Variants in ROBO2 observed in about 807,000 individuals in gnomAD.
ROBO2 encodes roundabout homolog 2.
Under a neutral mutation model 160.8 loss-of-function variants are expected in ROBO2, and 53 were observed. The observed-to-expected ratio is 0.33, with a 90% confidence interval of 0.26 to 0.41. The LOEUF is 0.41. Ranked by LOEUF, ROBO2 falls within the 10% of genes least tolerant of loss-of-function variation. The pLI, the probability that ROBO2 is intolerant of heterozygous loss-of-function variation, is 1.00. For missense variants in ROBO2, 1,577 were observed against 1,722.4 expected (o/e 0.92, Z 1.49); for synonymous variants, 664 against 611.7 (o/e 1.09, Z -1.26).
At chr3:76,948,908 A>ATTTTTTTTTT (rs1157110855) in intron 2 of ROBO2, among the ~76,000 whole-genome samples, 2 of 24,966 alleles carry the variant, frequency 8.0e-5, no homozygotes, top group Admixed American at 7.0e-4. Flanking sequence ...ATATATATAT[A>ATTTTTTTTTT]TTTTTTTTTT....
intron 2 of ROBO2, among the ~76,000 whole-genome samples, chr3:77,133,397 G>T (rs2076017068): frequency 1.3e-5 from 2 of 152,232 alleles, no homozygotes; most frequent in East Asian, 3.9e-4. Context: ...AAATCACTGT[G>T]CTAACAATAA....
chr3:76,979,799 A>G (rs2149321354), intron 2 of ROBO2, among the ~76,000 whole-genome samples: 1 of 152,050 alleles, frequency 6.6e-6, no homozygotes, highest in African/African-American at 2.4e-5. Flanking sequence ...TTCCCTATGC[A>G]TTTTGTATTC....
intron 2 of ROBO2, among the ~76,000 whole-genome samples, chr3:76,937,867 G>A (rs1182756275): frequency 6.6e-6 from 1 of 152,116 alleles, no homozygotes; most frequent in African/African-American, 2.4e-5. Flanking sequence ...CAGTGTTACC[G>A]TACCCTCTAC....
intron 2 of ROBO2, among the ~76,000 whole-genome samples, chr3:76,863,341 G>C (rs994719955): frequency 2.0e-5 from 3 of 151,056 alleles, no homozygotes; most frequent in African/African-American, 7.3e-5. Context: ...TTGGTTGTTG[G>C]TTTTTTAAAA....
At chr3:76,931,882 T>C (rs1267930451) in intron 2 of ROBO2, among the ~76,000 whole-genome samples, 1 of 152,118 alleles carries the variant, frequency 6.6e-6, no homozygotes, top group Non-Finnish European at 1.5e-5. Context: ...GGTTTCATCA[T>C]GTTGGGCAGG....
intron 2 of ROBO2, among the ~76,000 whole-genome samples, chr3:77,425,418 G>C (rs1482956352): frequency 6.6e-6 from 1 of 152,092 alleles, no homozygotes; most frequent in Admixed American, 6.6e-5. Context: ...TTTGGAGGTG[G>C]CCAAAGATGT....
At chr3:77,378,794 A>C (rs978015496) in intron 2 of ROBO2, among the ~76,000 whole-genome samples, 1 of 152,140 alleles carries the variant, frequency 6.6e-6, no homozygotes, top group Non-Finnish European at 1.5e-5. Context: ...TTAACTATGC[A>C]ATTACTTCTG....
At chr3:76,897,988 T>C (rs1312194422) in intron 2 of ROBO2, among the ~76,000 whole-genome samples, 1 of 152,128 alleles carries the variant, frequency 6.6e-6, no homozygotes, top group African/African-American at 2.4e-5. Context: ...TTTTCTAAAG[T>C]ATATTTTCAT....
At chr3:76,610,558 C>T (rs925710335) in intron 2 of ROBO2, among the ~76,000 whole-genome samples, 77 of 152,296 alleles carry the variant, frequency 5.1e-4, no homozygotes, top group African/African-American at 1.2e-3. Context: ...GTCTAAGCCC[C>T]CAAGAGATGT....
chr3:76,286,709 T>C (rs1489539205), intron 2 of ROBO2, among the ~76,000 whole-genome samples: 1 of 152,152 alleles, frequency 6.6e-6, no homozygotes. Flanking sequence ...AAAGGTGCTG[T>C]AAAAATATAA....
chr3:77,092,535 AAG>A (rs1002911010), intron 1 of ROBO2, among the ~76,000 whole-genome samples: 57 of 148,116 alleles, frequency 3.8e-4, no homozygotes, highest in African/African-American at 1.2e-3. Context: ...TTTATTATAA[AAG>A]AGAGAAAGAA....
At chr3:77,471,974 C>G (rs757231338) in intron 2 of ROBO2, among the ~76,000 whole-genome samples, 10 of 152,084 alleles carry the variant, frequency 6.6e-5, no homozygotes, top group Non-Finnish European at 1.2e-4. Flanking sequence ...AATTGAATAC[C>G]TTCTGGAGGA....
chr3:76,109,326 C>A (rs1025441564), intron 2 of ROBO2, among the ~76,000 whole-genome samples: 1 of 151,710 alleles, frequency 6.6e-6, no homozygotes, highest in African/African-American at 2.4e-5. Context: ...GCCATAATAC[C>A]TTTTAAAAAA....
chr3:76,992,481 G>A (rs927532777), intron 2 of ROBO2, among the ~76,000 whole-genome samples: 1 of 151,350 alleles, frequency 6.6e-6, no homozygotes, highest in Non-Finnish European at 1.5e-5. Context: ...AAGACTTAAT[G>A]CCACCCTGGT....
At chr3:76,090,655 A>C (rs2069193292) in intron 2 of ROBO2, among the ~76,000 whole-genome samples, 1 of 152,180 alleles carries the variant, frequency 6.6e-6, no homozygotes, top group African/African-American at 2.4e-5. Flanking sequence ...TTGAAGAAGA[A>C]TAAAATTGGA....
At chr3:76,803,090 G>T (rs2608132) in intron 2 of ROBO2, among the ~76,000 whole-genome samples, 128,607 of 152,138 alleles carry the variant, frequency 0.85, 54,482 homozygotes, top group African/African-American at 0.87. Context: ...GAAAACAATT[G>T]TGATAAGACC....
chr3:75,987,529 TG>T (rs1374728608), intron 2 of ROBO2, among the ~76,000 whole-genome samples: 1 of 151,928 alleles, frequency 6.6e-6, no homozygotes, highest in African/African-American at 2.4e-5. Flanking sequence ...CTTTCCAGTT[TG>T]GATGCCTCTT....
chr3:76,119,982 T>C (rs962484808), intron 2 of ROBO2, among the ~76,000 whole-genome samples: 88 of 134,254 alleles, frequency 6.6e-4, no homozygotes, highest in African/African-American at 2.4e-3. Flanking sequence ...TCCTCTCTCT[T>C]TCTTTCATTC....
chr3:76,905,070 T>A (rs2075502402), intron 2 of ROBO2, among the ~76,000 whole-genome samples: 1 of 152,224 alleles, frequency 6.6e-6, no homozygotes, highest in Admixed American at 6.5e-5. Context: ...ACTGGAAGAA[T>A]GACTTTGTTT....
Sources: gnomAD v4.1 joint callset for allele counts (sites outside exome capture counted in the v4.1 genomes callset) on GRCh38, gnomAD v4.1.1 for gene constraint, MANE v1.5 for transcripts, NCBI Gene and HGNC (gene_info 2026-07-23, HGNC 2026-07-21) for gene names.